BBX: variants seen among roughly 807,000 people sequenced by gnomAD.
BBX encodes the protein HMG box transcription factor BBX.
Under a neutral mutation model 100.2 loss-of-function variants are expected in BBX, and 30 were observed. That is an observed-to-expected ratio of 0.30 (90% confidence interval 0.22 to 0.41). The LOEUF is 0.41. Ranked by LOEUF, BBX falls within the 10% of genes least tolerant of loss-of-function variation. The pLI is 1.00. For synonymous variants in BBX, 376 were observed against 388.1 expected, an observed-to-expected ratio of 0.97 and a Z score of 0.37; for missense variants, 1,023 against 1,129.8, an observed-to-expected ratio of 0.91 and a Z score of 1.35.
intron 2 of BBX, among the ~76,000 whole-genome samples, chr3:107,629,197 C>G (rs1000591332): frequency 7.9e-5 from 12 of 152,070 alleles, no homozygotes; most frequent in Non-Finnish European, 1.6e-4. Flanking sequence ...CCGTTAGAAC[C>G]TCCTCTTCAC....
In BBX at chr3:107,638,780, TACACACACACACACACAC is replaced by T. The variant is rs61081300; in HGVS notation, c.-83-7020_-83-7003del. Among the ~76,000 whole-genome samples the T allele has an allele frequency of 7.5e-3, 750 of 99,862 alleles. 14 individuals carry two copies. The highest frequency in any genetic ancestry group is 0.025 in the African/African-American group (633 of 24,884). The allele number at this position is 99,862 out of a possible 152,430, so 65.5% of individuals were successfully genotyped here. A position where few individuals can be genotyped will look rare whatever the true frequency, so the allele number is the denominator to read the frequency against. ...TACCAAAAAAAAAAAAAAAAAAGTA[TACACACACACACACACAC>T]ACACACACACACACACACACACACA... On this transcript the variant is annotated intron_variant, in intron 2 of 17. Coordinates refer to ENST00000325805, the MANE Select transcript of BBX (RefSeq NM_001142568.3).
intron 3 of BBX, among the ~76,000 whole-genome samples, chr3:107,656,420 T>G (rs1052177731): frequency 1.3e-5 from 2 of 152,216 alleles, no homozygotes; most frequent in Non-Finnish European, 2.9e-5. Context: ...TTAGTGTGTA[T>G]GTGTTAGGTG....
intron 2 of BBX, among the ~76,000 whole-genome samples, chr3:107,598,242 A>C (rs1195074299): frequency 6.6e-6 from 1 of 152,184 alleles, no homozygotes; most frequent in African/African-American, 2.4e-5. Context: ...TGACCAAGGT[A>C]AATTGTTTAT....
chr3:107,783,462 C>G (rs2068101816), intron 13 of BBX, among the ~76,000 whole-genome samples: 1 of 151,932 alleles, frequency 6.6e-6, no homozygotes, highest in South Asian at 2.1e-4. Context: ...ATGATTGGGT[C>G]CAAAAATATG....
chr3:107,805,446 G>T lies in BBX; in HGVS notation c.2815G>T (p.Ala939Ser), dbSNP rs1188606110. ...MPQAPVLISC[A>S]DQ The stretch of plus-strand genomic sequence containing the variant: ...GCAGGCTCCTGTACTTATTTCCTGC[G>T]CTGACCAGTGAAGCGCCCTTTCATT... Residue 939 changes from alanine (A) to serine (S), a missense_variant, in exon 18 of 18, where the codon GCT (alanine) becomes TCT (serine). Physicochemically the swap from Ala to Ser is moderately conservative, Grantham distance 99 (BLOSUM62 1). Transcript: ENST00000325805. 1 of 1,614,082 alleles carries T rather than the reference G, an allele frequency of 6.2e-7. No homozygotes were observed. Among genetic ancestry groups the T allele is most frequent in the Admixed American group, 1.7e-5 (1 of 60,014 alleles).
rs762828184 is a variant in BBX, at chr3:107,772,844, G to C, written c.1123G>C (p.Ala375Pro). Residue 375 changes from alanine to proline, a missense_variant, in exon 11 of 18, where the codon GCA becomes CCA. Around this residue, in one of 9 missense-constraint regions of BBX, gnomAD observed 348 missense variants for 353.2 expected, o/e 0.99. Transcript: ENST00000325805. ...RDSKELRNFE[A>P]LQIDDIMAIK... ...TTCTAAGGAATTGAGAAATTTTGAG[G>C]CATTGCAAATAGATGACATAATGGC... is the stretch of plus-strand genomic sequence containing the variant. 1 of 1,613,524 alleles carries C rather than the reference G, an allele frequency of 6.2e-7. No homozygotes were observed. The highest frequency in any genetic ancestry group is 8.5e-7 in the Non-Finnish European group (1 of 1,179,910).
intron 4 of BBX, among the ~76,000 whole-genome samples, chr3:107,714,061 C>G (rs759838558): frequency 6.9e-6 from 1 of 145,326 alleles, no homozygotes; most frequent in African/African-American, 2.5e-5. Flanking sequence ...CTGCAGCCTC[C>G]TCCTCCCAGG....
chr3:107,613,279 C>T (rs1252318725), intron 2 of BBX, among the ~76,000 whole-genome samples: 5 of 150,010 alleles, frequency 3.3e-5, no homozygotes, highest in Non-Finnish European at 5.9e-5. Context: ...CTCTGCCTCC[C>T]GGGTTCACGC....
intron 3 of BBX, among the ~76,000 whole-genome samples, chr3:107,662,314 C>G (rs139673896): frequency 5.9e-5 from 9 of 152,102 alleles, no homozygotes; most frequent in Non-Finnish European, 8.8e-5. Flanking sequence ...GCTTGGCAAG[C>G]CTTTTTGCTT....
chr3:107,788,931 T>C (rs2068708125), intron 13 of BBX, among the ~76,000 whole-genome samples: 2 of 152,134 alleles, frequency 1.3e-5, no homozygotes, highest in African/African-American at 4.8e-5. Context: ...CTTTTTCTTT[T>C]CTAAGTTAAA....
At chr3:107,778,281 T>C (rs897087550) in intron 12 of BBX, 90 bp from the exon 13 acceptor site, 1 of 1,498,772 alleles carries the variant, frequency 6.7e-7, no homozygotes, top group Non-Finnish European at 9.2e-7. Context: ...GACCCTGTTT[T>C]CAAATAGAAT....
At chr3:107,654,874 A>T (rs2058044958) in intron 3 of BBX, among the ~76,000 whole-genome samples, 1 of 152,210 alleles carries the variant, frequency 6.6e-6, no homozygotes, top group Admixed American at 6.5e-5. Flanking sequence ...GATTAAAGGT[A>T]CTAGAGGGTA....
At chr3:107,803,206 T>C (rs984062440) in intron 17 of BBX, among the ~76,000 whole-genome samples, 1 of 152,238 alleles carries the variant, frequency 6.6e-6, no homozygotes, top group Non-Finnish European at 1.5e-5. Context: ...AGATTCTTTT[T>C]ATTTTTTTTA....
chr3:107,711,670 T>C (rs573902331), intron 4 of BBX, among the ~76,000 whole-genome samples: 125 of 152,278 alleles, frequency 8.2e-4, no homozygotes, highest in African/African-American at 2.9e-3. Flanking sequence ...TACTAATCTT[T>C]CCTTCCACCT....
At chr3:107,652,174 A>G (rs1216317171) in intron 3 of BBX, among the ~76,000 whole-genome samples, 1 of 122,474 alleles carries the variant, frequency 8.2e-6, no homozygotes, top group African/African-American at 3.1e-5. Context: ...TGGGATATTG[A>G]TATAGGCTCA....
intron 2 of BBX, among the ~76,000 whole-genome samples, chr3:107,631,944 A>C (rs911473748): frequency 5.3e-5 from 8 of 152,228 alleles, no homozygotes; most frequent in Admixed American, 4.6e-4. Flanking sequence ...AGATATTTCA[A>C]AGTGATTTGA....
chr3:107,752,357 G>A (rs1200434654), intron 9 of BBX, among the ~76,000 whole-genome samples: 1 of 152,132 alleles, frequency 6.6e-6, no homozygotes, highest in Non-Finnish European at 1.5e-5. Flanking sequence ...TAACTAATCA[G>A]TGGATGTATT....
chr3:107,649,206 T>A (rs914584725), intron 3 of BBX, among the ~76,000 whole-genome samples: 8 of 152,118 alleles, frequency 5.3e-5, no homozygotes, highest in Admixed American at 5.2e-4. Flanking sequence ...TTCAGTTACC[T>A]CCCACCAGGT....
chr3:107,584,774 C>T (rs1157568618), intron 2 of BBX, among the ~76,000 whole-genome samples: 1 of 145,884 alleles, frequency 6.9e-6, no homozygotes, highest in African/African-American at 2.5e-5. Flanking sequence ...TCATTGCAAC[C>T]TCCGCCTTCC....
Sources: gnomAD v4.1 joint callset for allele counts (sites outside exome capture counted in the v4.1 genomes callset) on GRCh38, gnomAD v4.1.1 for gene constraint, gnomAD v4.1.1 regional missense constraint, MANE v1.5 for transcripts, NCBI Gene and HGNC (gene_info 2026-07-23, HGNC 2026-07-21) for gene names.